Variants in GNL3 observed in about 807,000 individuals in gnomAD.
GNL3 encodes the protein G protein nucleolar 3, also known as guanine nucleotide-binding protein-like 3.
A neutral mutation model predicts 70.6 loss-of-function variants in GNL3; 77 were observed. That is an observed-to-expected ratio of 1.09 (90% CI 0.91 to 1.32). The LOEUF is 1.32. Among genes scored for constraint, GNL3 ranks in the 40% most tolerant of loss-of-function variants. The probability of loss-of-function intolerance (pLI) is 0.00; values close to 1 mark genes in which losing one functional copy is unlikely to be tolerated. For missense variants in GNL3, 634 were observed against 644.0 expected, an observed-to-expected ratio of 0.98 and a Z score of 0.17; for synonymous variants, 252 against 216.1, an observed-to-expected ratio of 1.17 and a Z score of -1.46.
At chr3:52,693,387 A>G in intron 11 of GNL3, 21 bp from the exon 12 acceptor site, 2 of 1,613,994 alleles carry the variant, frequency 1.2e-6, no homozygotes, top group Non-Finnish European at 1.7e-6. Flanking sequence ...TTCTTTTGAC[A>G]CATCTTATTT....
intron 9 of GNL3, 70 bp downstream of exon 9, chr3:52,691,699 GTGAT>G: frequency 1.3e-6 from 1 of 798,490 alleles, no homozygotes; most frequent in Non-Finnish European, 2.0e-6. Flanking sequence ...CTCAAGGAAG[GTGAT>G]TTTTTTTTTT....
intron 6 of GNL3, 115 bp downstream of exon 6, chr3:52,689,321 A>G (rs774901739): frequency 7.9e-6 from 8 of 1,014,130 alleles, no homozygotes; most frequent in Non-Finnish European, 1.2e-5. Context: ...AAGCCAGAGT[A>G]CGTGCACTTT....
rs71087009 is a variant in GNL3, at chr3:52,692,369, A to ACTTTTTTTTTTTTTTTTTTTT, written c.870-503_870-502insCTTTTTTTTTTTTTTTTTTTT. 4.2e-4 allele frequency among the ~76,000 whole-genome samples: 53 copies of ACTTTTTTTTTTTTTTTTTTTT among 126,426 alleles called. 9 individuals are homozygous for ACTTTTTTTTTTTTTTTTTTTT. Among genetic ancestry groups the ACTTTTTTTTTTTTTTTTTTTT allele is most frequent in the African/African-American group, 9.6e-4 (31 of 32,220 alleles). The allele number at this position is 126,426 out of a possible 152,430, so 82.9% of individuals were successfully genotyped here. A position where few individuals can be genotyped will look rare whatever the true frequency, so the allele number is the denominator to read the frequency against. On this transcript the variant is annotated intron_variant, in intron 9 of 14. Transcript: ENST00000418458. ...GCCACTGTGCCTGGCCAACTTTTAGATTTTTTTTTTTTGGGAGATGGAGTC... is the reference window on the plus strand; with the variant it reads ...GCCACTGTGCCTGGCCAACTTTTAGACTTTTTTTTTTTTTTTTTTTTTTTTTTTTTTTTGGGAGATGGAGTC...
rs752133278 is a variant in GNL3, at chr3:52,692,830, A to G, written c.870-42A>G. The G allele has an allele frequency of 3.3e-5, 50 of 1,530,334 alleles. No homozygotes were observed. In the East Asian group the frequency reaches 3.8e-4, roughly 12 times the overall value. The allele number at this position is 1,530,334 out of a possible 1,614,324, so 94.8% of individuals were successfully genotyped here. A position where few individuals can be genotyped will look rare whatever the true frequency, so the allele number is the denominator to read the frequency against. On this transcript the variant is annotated intron_variant, in intron 9 of 14. Transcript: ENST00000418458. ...TTCATGTTCTGTCTCTTAACCTCCAAATAGACCAATGCCCCCATCAATTCC... is the reference window on the plus strand; with the variant it reads ...TTCATGTTCTGTCTCTTAACCTCCAGATAGACCAATGCCCCCATCAATTCC...
rs181565591 is a variant in GNL3 at position 52,691,057 on chromosome 3, G to A, written c.767G>A (p.Arg256Gln). Reference sequence around the variant, plus strand: ...CAGGAAACTTGCAGCAAAGCCATTCGGGTTGGAGTAATTGGTGAGTTTCAG... The same window carrying A: ...CAGGAAACTTGCAGCAAAGCCATTCAGGTTGGAGTAATTGGTGAGTTTCAG... ...GFQETCSKAI[R>Q]VGVIGFPNVG... Residue 256 changes from arginine to glutamine, a missense_variant, in exon 8 of 15, where the codon CGG (arginine) becomes CAG (glutamine). Arg to Gln is a conservative substitution (Grantham distance 43). Transcript: ENST00000418458. 32 of 1,613,938 alleles carry A rather than the reference G, an allele frequency of 2.0e-5. No individual in the cohort carries two copies. In the South Asian group the frequency reaches 2.2e-4, roughly 11 times the overall value.
chr3:52,691,119 A>C lies in GNL3; in HGVS notation c.781+48A>C, dbSNP rs779295400. 5.7e-6 allele frequency: 9 copies of C among 1,566,818 alleles called. No homozygotes were observed. The Admixed American group carries it at 1.5e-4, about 26-fold the overall frequency. ...TTACTTTTTAAGTGTTGAAATAGTT[A>C]AGAAGTTTAGCCAGCTCTCCAAGTG... On this transcript the variant is annotated intron_variant, in intron 8 of 14. Transcript: ENST00000418458.
Position 52,688,147 on chromosome 3 carries a change from G to A in GNL3, c.363G>A (p.Ser121=), listed in dbSNP as rs780183671. The change falls in exon 5 of 15, where the codon TCG becomes TCA. Residue 121 remains serine (S), a synonymous_variant. Transcript: ENST00000418458. ...GCAAAACTGAGAACAAAGCCAAGTCGGGCAAACAGAATTCAAAGAAGCTGT... is the reference window on the plus strand; with the variant it reads ...GCAAAACTGAGAACAAAGCCAAGTCAGGCAAACAGAATTCAAAGAAGCTGT... ...GLCKTENKAK[S]GKQNSKKLYC... 55 of 1,611,678 alleles carry A rather than the reference G, an allele frequency of 3.4e-5. No individual in the cohort carries two copies. The highest frequency in any genetic ancestry group is 2.0e-4 in the East Asian group (9 of 44,896).
intron 4 of GNL3, 61 bp downstream of exon 4, chr3:52,687,676 G>A (rs1205712865): frequency 1.0e-6 from 1 of 991,622 alleles, no homozygotes; most frequent in African/African-American, 1.6e-5. Context: ...TTTTTTGCTT[G>A]GGCCTGAGTG....
chr3:52,689,370 T>C (rs1414105862), intron 6 of GNL3, 164 bp downstream of exon 6: 1 of 757,252 alleles, frequency 1.3e-6, no homozygotes, highest in East Asian at 2.5e-5. Context: ...CCAGGTGACT[T>C]TTACAACTGA....
At chr3:52,691,911 G>GA (rs2097327710) in intron 9 of GNL3, among the ~76,000 whole-genome samples, 2 of 152,064 alleles carry the variant, frequency 1.3e-5, no homozygotes, top group African/African-American at 4.8e-5. Flanking sequence ...ATGTTGGTTA[G>GA]GCTGGTCTCA....
upstream of GNL3, chr3:52,685,959 G>C (rs573051535): frequency 1.4e-6 from 1 of 740,224 alleles, no homozygotes; most frequent in East Asian, 2.6e-5. Flanking sequence ...GACACTGCGT[G>C]CCCGCGCACG....
rs1578561190 is a variant in GNL3, at chr3:52,686,693, A to G, written c.14-76A>G. ...GGTTTGGTAGCCAATAACACAAGAA[A>G]AGGATATAACTCCATAGTGCGTTAA... On this transcript the variant is annotated intron_variant, in intron 1 of 14. Coordinates refer to ENST00000418458, the MANE Select transcript of GNL3 (RefSeq NM_014366.5). The G allele has an allele frequency of 5.5e-6, 6 of 1,098,320 alleles. No individual in the cohort carries two copies. The East Asian group carries it at 1.4e-4, about 26-fold the overall frequency. 68.0% of individuals were successfully genotyped at this position (1,098,320 alleles called of 1,614,324 possible).
At chr3:52,689,688 G>C (rs2097325490) in intron 6 of GNL3, among the ~76,000 whole-genome samples, 2 of 152,170 alleles carry the variant, frequency 1.3e-5, no homozygotes, top group Admixed American at 6.6e-5. Context: ...TTGTTGTTGG[G>C]GTTAAGAAAC....
In GNL3 at chr3:52,692,860, CTCT is replaced by C. The variant is rs766330540; in HGVS notation, c.870-7_870-5del. 8.1e-6 allele frequency: 13 copies of C among 1,606,404 alleles called. No homozygotes were observed. The highest frequency in any genetic ancestry group is 5.5e-5 in the South Asian group (5 of 90,960). ...ACCAATGCCCCCATCAATTCCATCG[CTCT>C]TCTTTCAGGAGCATGCAAGTTGTCC... is the stretch of plus-strand genomic sequence containing the variant. On this transcript the variant is annotated splice_polypyrimidine_tract_variant and intron_variant, in intron 9 of 14. Transcript: ENST00000418458.
chr3:52,693,239 C>G lies in GNL3; in HGVS notation c.1097C>G (p.Thr366Ser). Residue 366 changes from threonine (T) to serine (S), a missense_variant, in exon 11 of 15, where the codon ACT becomes AGT. Physicochemically the swap from Thr to Ser is moderately conservative, Grantham distance 58 (BLOSUM62 1). Coordinates refer to ENST00000418458, the MANE Select transcript of GNL3 (RefSeq NM_014366.5). ...PGYRNSLEFF[T>S]VLAQRRGMHQ... ...TACAGGAATTCTCTGGAATTTTTTA[C>G]TGTGCTTGCTCAGAGAAGAGGTATG... 6.2e-7 allele frequency: 1 copy of G among 1,613,614 alleles called. No individual in the cohort carries two copies. Among genetic ancestry groups the G allele is most frequent in the Non-Finnish European group, 8.5e-7 (1 of 1,179,690 alleles).
chr3:52,687,460 C>G, intron 3 of GNL3, 42 bp from the exon 4 acceptor site: 1 of 1,584,818 alleles, frequency 6.3e-7, no homozygotes, highest in South Asian at 1.1e-5. Flanking sequence ...AAGGTAACAA[C>G]ACTAGTCACT....
Position 52,690,670 on chromosome 3 carries a change from C to T in GNL3, c.620C>T (p.Ser207Leu), listed in dbSNP as rs772491699. The T allele has an allele frequency of 6.2e-7, 1 of 1,603,750 alleles. No homozygotes were observed. Among genetic ancestry groups the T allele is most frequent in the Non-Finnish European group, 8.5e-7 (1 of 1,170,726 alleles). Residue 207 changes from serine (S) to leucine (L), a missense_variant, in exon 7 of 15, where the codon TCA (serine) becomes TTA (leucine). Ser to Leu is a moderately radical substitution (Grantham distance 145). Coordinates refer to ENST00000418458, the MANE Select transcript of GNL3 (RefSeq NM_014366.5). ...TTGCCAACAGTGGTGTTCAGAGCCT[C>T]AACAAAACCAAAGGATAAAGGGAAG... ...KELPTVVFRA[S>L]TKPKDKGKIT... is the part of the protein sequence containing the mutation.
At chr3:52,686,656 G>T in intron 1 of GNL3, 113 bp from the exon 2 acceptor site, 1 of 760,808 alleles carries the variant, frequency 1.3e-6, no homozygotes, top group South Asian at 1.6e-5. Context: ...TTTCGCATTA[G>T]ACTTAACGTT....
intron 5 of GNL3, 161 bp from the exon 6 acceptor site, chr3:52,688,912 TC>T (rs1188969864): frequency 1.5e-6 from 1 of 646,834 alleles, no homozygotes; most frequent in East Asian, 2.6e-5. Flanking sequence ...GGGTCAACAT[TC>T]TTCATACCAA....
Sources: allele counts gnomAD v4.1 joint callset (sites outside exome capture counted in the v4.1 genomes callset), GRCh38; gene constraint gnomAD v4.1.1; transcripts MANE v1.5; gene names NCBI Gene and HGNC (gene_info 2026-07-23, HGNC 2026-07-21).